The following ENPP6 variants were observed in gnomAD, a reference collection of about 807,000 sequenced individuals.
ENPP6 encodes glycerophosphocholine cholinephosphodiesterase ENPP6.
Under a neutral mutation model 42.0 loss-of-function variants are expected in ENPP6, and 32 were observed. The ratio of observed to expected loss-of-function variants is 0.76; its 90% confidence interval spans 0.58 to 1.02. The LOEUF (loss-of-function observed/expected upper bound fraction) is 1.02. ENPP6 is among the 50% of genes least tolerant of loss of function. ENPP6 has a pLI of 0.00. For missense variants in ENPP6, 552 were observed against 566.8 expected (o/e 0.97, Z 0.27); for synonymous variants, 213 against 216.0 (o/e 0.99, Z 0.12).
chr4:184,134,833 C>T (rs186079133), intron 2 of ENPP6, among the ~76,000 whole-genome samples: 2 of 150,648 alleles, frequency 1.3e-5, no homozygotes, highest in Non-Finnish European at 3.0e-5. Context: ...GCTAATGCAT[C>T]TTGTATGCCT....
In ENPP6 at chr4:184,183,620, C is replaced by G. The variant is rs1378767965; in HGVS notation, c.242-29887G>C. Among the ~76,000 whole-genome samples, 4 of 152,178 alleles carry G rather than the reference C, an allele frequency of 2.6e-5. No individual in the cohort carries two copies. In the East Asian group the frequency reaches 7.7e-4, roughly 29 times the overall value. ...CTTTCTTGGAAAAGCAAATGAATAT[C>G]TTCTTTTCAGGACAGTTTCAATTTA... is the stretch of plus-strand genomic sequence containing the variant. On this transcript the variant is annotated intron_variant, in intron 1 of 7. Transcript: ENST00000296741.
chr4:184,111,794 C>T (rs984191871), intron 6 of ENPP6, among the ~76,000 whole-genome samples: 4 of 152,166 alleles, frequency 2.6e-5, no homozygotes, highest in African/African-American at 7.2e-5. Flanking sequence ...ATGCCCATGT[C>T]CCGGACTCCC....
chr4:184,211,504 C>T (rs1168487498), intron 1 of ENPP6, among the ~76,000 whole-genome samples: 1 of 152,166 alleles, frequency 6.6e-6, no homozygotes, highest in East Asian at 1.9e-4. Flanking sequence ...TGGATACATT[C>T]CTCGACACAT....
At chr4:184,131,845 G>A (rs966974115) in intron 2 of ENPP6, among the ~76,000 whole-genome samples, 18 of 131,660 alleles carry the variant, frequency 1.4e-4, no homozygotes, top group African/African-American at 5.5e-4. Flanking sequence ...ATATAAAGAG[G>A]TATATTATGA....
chr4:184,118,003 C>T (rs1378743582), intron 3 of ENPP6, 103 bp from the exon 4 acceptor site: 1 of 1,428,642 alleles, frequency 7.0e-7, no homozygotes, highest in East Asian at 2.5e-5. Flanking sequence ...CCCCCCGAAA[C>T]CTTGTCCCTG....
rs183036706 is a variant in ENPP6 at position 184,184,322 on chromosome 4, C to A, written c.242-30589G>T. On this transcript the variant is annotated intron_variant, in intron 1 of 7. Transcript: ENST00000296741. This position sits in a 1 kb window ranked among gnomAD's most constrained non-coding sequence, Gnocchi z 4.7. ...AGATAGAATCAAAATTAGCAAGGAA[C>A]AAGAGACTTTAAGAAATAACCATGT... Among the ~76,000 whole-genome samples, 13 of 152,138 alleles carry A rather than the reference C, an allele frequency of 8.5e-5. No homozygotes were observed. In the East Asian group the frequency reaches 1.3e-3, roughly 16 times the overall value.
intron 2 of ENPP6, among the ~76,000 whole-genome samples, chr4:184,126,271 C>T (rs560327838): frequency 7.1e-4 from 108 of 152,308 alleles, no homozygotes; most frequent in African/African-American, 2.5e-3. Flanking sequence ...AACACTGGCA[C>T]AGTAATACAG....
intron 1 of ENPP6, among the ~76,000 whole-genome samples, chr4:184,189,625 A>G (rs758379394): frequency 2.6e-5 from 4 of 152,198 alleles, no homozygotes; most frequent in Non-Finnish European, 5.9e-5. Flanking sequence ...AACAGACCAG[A>G]GGAGGCCAGA....
chr4:184,094,834 A>G (rs892546275), intron 7 of ENPP6, among the ~76,000 whole-genome samples: 1 of 152,202 alleles, frequency 6.6e-6, no homozygotes, highest in African/African-American at 2.4e-5. Context: ...TGTTCAAATT[A>G]GAAACTGGGA....
intron 3 of ENPP6, among the ~76,000 whole-genome samples, chr4:184,122,101 G>T (rs112469576): frequency 2.0e-5 from 3 of 152,134 alleles, no homozygotes; most frequent in Admixed American, 6.5e-5. Context: ...GCTGTTTCTG[G>T]TGGCCCTGTT....
intron 1 of ENPP6, among the ~76,000 whole-genome samples, chr4:184,185,643 T>C (rs1481990563): frequency 6.6e-6 from 1 of 152,216 alleles, no homozygotes; most frequent in African/African-American, 2.4e-5. Flanking sequence ...CTTGAATCTA[T>C]TCATGAAGAA....
In ENPP6 at chr4:184,182,360, A is replaced by G. The variant is rs1579653111; in HGVS notation, c.242-28627T>C. ...GGCGATTACTAGGAGTTAAGAAACA[A>G]TAGATGCTGGGGAGGCTCTGGAGAA... On this transcript the variant is annotated intron_variant, in intron 1 of 7. Coordinates refer to ENST00000296741, the MANE Select transcript of ENPP6 (RefSeq NM_153343.4). Among the ~76,000 whole-genome samples, 5 of 152,306 alleles carry G rather than the reference A, an allele frequency of 3.3e-5. No homozygotes were observed. The East Asian group carries it at 9.7e-4, about 29-fold the overall frequency.
At chr4:184,120,036 C>G (rs1359127139) in intron 3 of ENPP6, among the ~76,000 whole-genome samples, 1 of 152,156 alleles carries the variant, frequency 6.6e-6, no homozygotes, top group East Asian at 1.9e-4. Flanking sequence ...GTGTATTAAA[C>G]AAGCTGATGT....
At chr4:184,106,040 G>GT (rs10563321) in intron 6 of ENPP6, among the ~76,000 whole-genome samples, 13 of 141,518 alleles carry the variant, frequency 9.2e-5, no homozygotes, top group African/African-American at 3.1e-4. Context: ...ATACCAAGTT[G>GT]TTTTTTTTTT....
intron 1 of ENPP6, among the ~76,000 whole-genome samples, chr4:184,164,739 C>T (rs1029222158): frequency 3.3e-5 from 5 of 152,204 alleles, no homozygotes; most frequent in Admixed American, 2.6e-4. Flanking sequence ...ACATTTCGTC[C>T]TCACCGTGGC....
intron 2 of ENPP6, among the ~76,000 whole-genome samples, chr4:184,125,582 A>G (rs1373488841): frequency 6.6e-6 from 1 of 152,116 alleles, no homozygotes; most frequent in Non-Finnish European, 1.5e-5. Context: ...CAGCTGATTT[A>G]AAAGATGACA....
rs892663981 is a variant in ENPP6 at position 184,088,709 on chromosome 4, A to T, written c.*2468T>A. ...TAATTAAGCCATAAAAAATATATGC[A>T]TTATTTAAGTAAAAAGCTTTATTTT... On this transcript the variant is annotated 3_prime_UTR_variant, in exon 8 of 8. Transcript: ENST00000296741. The T allele has an allele frequency of 2.6e-5, 4 of 152,240 alleles. No individual in the cohort carries two copies. The highest frequency in any genetic ancestry group is 9.6e-5 in the African/African-American group (4 of 41,470). The allele number at this position is 152,240 out of a possible 1,614,324, so 9.4% of individuals were successfully genotyped here.
intron 2 of ENPP6, among the ~76,000 whole-genome samples, chr4:184,131,257 T>TCC (rs1560987474): frequency 0.011 from 317 of 29,604 alleles, 24 homozygotes; most frequent in South Asian, 0.053. Flanking sequence ...TCTTTCTCTT[T>TCC]CTCTTCCTTC....
chr4:184,127,370 A>G (rs929626156), intron 2 of ENPP6, among the ~76,000 whole-genome samples: 8 of 152,222 alleles, frequency 5.3e-5, no homozygotes, highest in South Asian at 2.1e-4. Context: ...TTAGTGAAAA[A>G]AAGATAGGAA....
Sources: allele counts gnomAD v4.1 joint callset (sites outside exome capture counted in the v4.1 genomes callset), GRCh38; gene constraint gnomAD v4.1.1; non-coding constraint Gnocchi (gnomAD v3.1); transcripts MANE v1.5; gene names NCBI Gene and HGNC (gene_info 2026-07-23, HGNC 2026-07-21).